Variants in DCLK1 observed in about 807,000 individuals in gnomAD.
DCLK1 encodes serine/threonine-protein kinase DCLK1.
In DCLK1, 16 loss-of-function variants were observed where a neutral mutation model predicts 86.2. That is an observed-to-expected ratio of 0.19 (90% CI 0.13 to 0.28). The LOEUF (loss-of-function observed/expected upper bound fraction) is 0.28. Among genes scored for constraint, DCLK1 ranks in the 10% least tolerant of loss-of-function variants. DCLK1 has a pLI of 1.00. For synonymous variants in DCLK1, 369 were observed against 370.5 expected, an observed-to-expected ratio of 1.00 and a Z score of 0.05; for missense variants, 590 against 940.2, an observed-to-expected ratio of 0.63 and a Z score of 4.87.
At chr13:35,818,027 T>G (rs2153104224) in intron 11 of DCLK1, among the ~76,000 whole-genome samples, 1 of 152,314 alleles carries the variant, frequency 6.6e-6, no homozygotes, top group East Asian at 1.9e-4. Flanking sequence ...CTGTCATTGG[T>G]ATAATTCATC....
At chr13:36,029,673 C>G (rs967792991) in intron 3 of DCLK1, among the ~76,000 whole-genome samples, 11 of 152,144 alleles carry the variant, frequency 7.2e-5, no homozygotes, top group Admixed American at 6.5e-5. Flanking sequence ...GTCCGATGGA[C>G]TATTAGGAGG....
chr13:35,811,841 A>T lies in DCLK1; in HGVS notation c.1555-873T>A, dbSNP rs189957915. 9.2e-5 allele frequency among the ~76,000 whole-genome samples: 14 copies of T among 152,302 alleles called. No homozygotes were observed. The East Asian group carries it at 2.7e-3, about 29-fold the overall frequency. ...AAGAGCGAAAATCTGTCTGAAAAAA[A>T]AAAAGAAAGAAACTTTAAAAATGCA... On this transcript the variant is annotated intron_variant, in intron 11 of 16. Transcript: ENST00000360631.
At chr13:35,999,544 G>A (rs1880620320) in intron 3 of DCLK1, among the ~76,000 whole-genome samples, 1 of 152,086 alleles carries the variant, frequency 6.6e-6, no homozygotes, top group Non-Finnish European at 1.5e-5. Context: ...CTCAGGACCA[G>A]CACAAAAACC....
At chr13:36,047,524 C>A (rs1389461263) in intron 3 of DCLK1, among the ~76,000 whole-genome samples, 12 of 152,116 alleles carry the variant, frequency 7.9e-5, no homozygotes, top group African/African-American at 2.9e-4. Flanking sequence ...AGAAGGAAAT[C>A]CTGTCATTAG....
At chr13:36,061,220 C>A (rs1883536299) in intron 3 of DCLK1, among the ~76,000 whole-genome samples, 1 of 152,132 alleles carries the variant, frequency 6.6e-6, no homozygotes, top group South Asian at 2.1e-4. Flanking sequence ...GAAGTAACCC[C>A]ACTCTGGCTT....
chr13:36,095,739 T>C (rs1446797045), intron 3 of DCLK1, among the ~76,000 whole-genome samples: 5 of 149,636 alleles, frequency 3.3e-5, no homozygotes, highest in Non-Finnish European at 7.5e-5. Context: ...AGCATAACTT[T>C]CTTGAGGATA....
At position 36,036,434 on chromosome 13, in the gene DCLK1, G is replaced by A. The variant is rs1375847846; in HGVS notation, c.723+75435C>T. ...CCTTTGGGGCTAAGCCCCAGTTTGG[G>A]GGCTTGCCTGTCCTGTGTCAGTGTG... On this transcript the variant is annotated intron_variant, in intron 3 of 16. Coordinates refer to ENST00000360631, the MANE Select transcript of DCLK1 (RefSeq NM_001330071.2). Among the ~76,000 whole-genome samples the A allele has an allele frequency of 2.0e-5, 3 of 152,286 alleles. No individual in the cohort carries two copies. In the East Asian group the frequency reaches 5.8e-4, roughly 29 times the overall value.
At chr13:36,083,253 C>T (rs1162964148) in intron 3 of DCLK1, among the ~76,000 whole-genome samples, 1 of 152,206 alleles carries the variant, frequency 6.6e-6, no homozygotes, top group Non-Finnish European at 1.5e-5. Context: ...CCTCTGATCA[C>T]AGCCTTTATG....
At chr13:35,861,862 T>TA (rs1251216587) in intron 5 of DCLK1, among the ~76,000 whole-genome samples, 171 of 139,256 alleles carry the variant, frequency 1.2e-3, no homozygotes, top group Middle Eastern at 3.8e-3. Flanking sequence ...CCGTCTCTAC[T>TA]AAAAAAAAAA....
At chr13:35,919,058 T>G (rs1054550179) in intron 4 of DCLK1, among the ~76,000 whole-genome samples, 1 of 151,808 alleles carries the variant, frequency 6.6e-6, no homozygotes, top group Admixed American at 6.6e-5. Flanking sequence ...TGCGCCACCA[T>G]GCTTGGCTAA....
intron 16 of DCLK1, among the ~76,000 whole-genome samples, chr13:35,786,602 A>T (rs1250924474): frequency 6.6e-6 from 1 of 152,106 alleles, no homozygotes; most frequent in Non-Finnish European, 1.5e-5. Context: ...AGTTTGTGAA[A>T]ATTTATAGAG....
At chr13:35,880,424 T>C (rs184952538) in intron 4 of DCLK1, among the ~76,000 whole-genome samples, 67 of 152,320 alleles carry the variant, frequency 4.4e-4, no homozygotes, top group African/African-American at 1.4e-3. Flanking sequence ...CAGGTACCAC[T>C]TGACCCCTAC....
At chr13:36,067,870 GC>G (rs1883820452) in intron 3 of DCLK1, among the ~76,000 whole-genome samples, 1 of 152,208 alleles carries the variant, frequency 6.6e-6, no homozygotes, top group Admixed American at 6.5e-5. Context: ...AGAGTCTGCT[GC>G]CCCCCACAGA....
At chr13:35,836,577 CCTG>C (rs1445034035) in intron 7 of DCLK1, among the ~76,000 whole-genome samples, 1 of 152,150 alleles carries the variant, frequency 6.6e-6, no homozygotes, top group Non-Finnish European at 1.5e-5. Context: ...ATGAAAATTG[CCTG>C]CTGTTTGGAC....
At chr13:35,787,842 C>T (rs903169768) in intron 16 of DCLK1, 2 of 320,550 alleles carry the variant, frequency 6.2e-6, no homozygotes, top group Non-Finnish European at 1.2e-5. Flanking sequence ...CTATAGAACA[C>T]ACACTAGCGT....
At chr13:36,078,968 T>C (rs1311004118) in intron 3 of DCLK1, among the ~76,000 whole-genome samples, 1 of 151,902 alleles carries the variant, frequency 6.6e-6, no homozygotes, top group Non-Finnish European at 1.5e-5. Flanking sequence ...GGTGGACAGA[T>C]ACTCAGAAAA....
chr13:35,984,722 T>A (rs1879815580), intron 3 of DCLK1, among the ~76,000 whole-genome samples: 1 of 152,112 alleles, frequency 6.6e-6, no homozygotes, highest in Non-Finnish European at 1.5e-5. Context: ...CCATCTGTAT[T>A]CCCCTTCTTC....
At chr13:35,920,740 C>G (rs922120052) in intron 4 of DCLK1, among the ~76,000 whole-genome samples, 2 of 152,046 alleles carry the variant, frequency 1.3e-5, no homozygotes, top group Non-Finnish European at 2.9e-5. Context: ...GTGGGAGGTG[C>G]CGGGAGGAGG....
At chr13:35,969,918 T>C (rs976651440) in intron 3 of DCLK1, among the ~76,000 whole-genome samples, 1 of 152,148 alleles carries the variant, frequency 6.6e-6, no homozygotes, top group Non-Finnish European at 1.5e-5. Context: ...CCTTTCCCCT[T>C]CCACAGCAAG....
Sources: allele counts gnomAD v4.1 joint callset (sites outside exome capture counted in the v4.1 genomes callset), GRCh38; gene constraint gnomAD v4.1.1; transcripts MANE v1.5; gene names NCBI Gene and HGNC (gene_info 2026-07-23, HGNC 2026-07-21).